CARF: variants seen among roughly 807,000 people sequenced by gnomAD.
The protein encoded by CARF is calcium responsive transcription factor, also known as calcium-responsive transcription factor.
CARF carries 57 observed loss-of-function variants against 82.0 expected under a neutral mutation model. The ratio of observed to expected loss-of-function variants is 0.70; its 90% CI spans 0.56 to 0.87. The LOEUF (loss-of-function observed/expected upper bound fraction) is 0.87. Among genes scored for constraint, CARF ranks in the 40% least tolerant of loss-of-function variants. The pLI is 0.00. For synonymous variants in CARF, 268 were observed against 290.1 expected (o/e 0.92, Z 0.77); for missense variants, 771 against 855.8 (o/e 0.90, Z 1.24).
chr2:202,952,699 AG>A lies in CARF; in HGVS notation c.427+24del, dbSNP rs752346594. ...CTCGGGGTGAGTAACAACGGGATAT[AG>A]GGGATTTGAGAGTGTTTTAAAAACA... is the stretch of plus-strand genomic sequence containing the variant. On this transcript the variant is annotated intron_variant, in intron 6 of 16. Transcript: ENST00000438828. 1 of 1,591,158 alleles carries A rather than the reference AG, an allele frequency of 6.3e-7. No individual in the cohort carries two copies. Among genetic ancestry groups the A allele is most frequent in the Non-Finnish European group, 8.6e-7 (1 of 1,167,918 alleles).
intron 3 of CARF, among the ~76,000 whole-genome samples, chr2:202,935,220 C>G (rs1349780696): frequency 7.4e-6 from 1 of 135,468 alleles, no homozygotes. Flanking sequence ...TATTCATTTA[C>G]TATACTAATA....
At chr2:202,923,014 G>A (rs747588017) in intron 2 of CARF, among the ~76,000 whole-genome samples, 2 of 152,146 alleles carry the variant, frequency 1.3e-5, no homozygotes, top group Non-Finnish European at 2.9e-5. Flanking sequence ...GGCTGAGGTG[G>A]GCGGATCACC....
intron 9 of CARF, chr2:202,962,131 T>C (rs2059347255): frequency 6.6e-6 from 1 of 152,234 alleles, no homozygotes; most frequent in South Asian, 2.1e-4. Context: ...CACTTCTGCC[T>C]GAGTTTCATC....
chr2:202,922,117 C>G (rs948228707), intron 2 of CARF, among the ~76,000 whole-genome samples: 7 of 152,044 alleles, frequency 4.6e-5, no homozygotes, highest in African/African-American at 1.7e-4. Context: ...GGATTAGCCA[C>G]CACACTGAGC....
chr2:202,976,526 G>A (rs2060036142), intron 13 of CARF, among the ~76,000 whole-genome samples: 1 of 151,974 alleles, frequency 6.6e-6, no homozygotes, highest in African/African-American at 2.4e-5. Flanking sequence ...TCATCTCTGT[G>A]AAAATTTTGC....
At chr2:202,944,672 A>C (rs1293739586) in intron 5 of CARF, among the ~76,000 whole-genome samples, 1 of 152,260 alleles carries the variant, frequency 6.6e-6, no homozygotes, top group African/African-American at 2.4e-5. Flanking sequence ...ATATTCAACA[A>C]ATAATTTAAA....
At chr2:202,982,609 G>C (rs751582467) in intron 16 of CARF, among the ~76,000 whole-genome samples, 168 bp downstream of exon 16, 42 of 152,054 alleles carry the variant, frequency 2.8e-4, no homozygotes, top group Non-Finnish European at 5.0e-4. Flanking sequence ...CTGCGTTTCA[G>C]AACTTTTAAC....
chr2:202,928,589 G>A (rs1025939464), intron 3 of CARF, among the ~76,000 whole-genome samples: 3 of 152,112 alleles, frequency 2.0e-5, no homozygotes, highest in Admixed American at 6.6e-5. Context: ...CACCAACAGT[G>A]TATGAGTTCC....
At chr2:202,930,383 A>G (rs1692665733) in intron 3 of CARF, among the ~76,000 whole-genome samples, 1 of 152,146 alleles carries the variant, frequency 6.6e-6, no homozygotes, top group Non-Finnish European at 1.5e-5. Context: ...GGTATCCCAT[A>G]ATTCTTATAG....
At chr2:202,934,663 C>T (rs1693579954) in intron 3 of CARF, 1 of 152,294 alleles carries the variant, frequency 6.6e-6, no homozygotes, top group Non-Finnish European at 1.5e-5. Context: ...ACATGTTGTC[C>T]GGGCTCGTCT....
chr2:202,965,861 C>G (rs1305552695), intron 9 of CARF, among the ~76,000 whole-genome samples: 1 of 152,006 alleles, frequency 6.6e-6, no homozygotes, highest in Non-Finnish European at 1.5e-5. Flanking sequence ...ACAAATTATC[C>G]CAAACGTAGT....
chr2:202,932,819 A>G (rs186717307), intron 3 of CARF, among the ~76,000 whole-genome samples: 2 of 152,120 alleles, frequency 1.3e-5, no homozygotes, highest in Non-Finnish European at 2.9e-5. Context: ...GAAGATGACT[A>G]CTAGATAAGT....
intron 3 of CARF, among the ~76,000 whole-genome samples, chr2:202,935,101 A>AATT (rs1553555106): frequency 7.3e-6 from 1 of 136,836 alleles, no homozygotes; most frequent in African/African-American, 2.7e-5. Flanking sequence ...TATTATATAT[A>AATT]ATATATAATT....
Position 202,985,351 on chromosome 2 carries a change from T to C in CARF, c.*1727T>C, listed in dbSNP as rs979644879. On this transcript the variant is annotated 3_prime_UTR_variant, in exon 17 of 17. Coordinates refer to ENST00000438828, the MANE Select transcript of CARF (RefSeq NM_024744.17). ...TGTATCTAAATATAAAGTACTGTTA[T>C]AGTAGAGGTAGGTGGAATTCTAATA... 2 of 152,098 alleles carry C rather than the reference T, an allele frequency of 1.3e-5. No individual in the cohort carries two copies. The highest frequency in any genetic ancestry group is 2.9e-5 in the Non-Finnish European group (2 of 67,994). 9.4% of individuals were successfully genotyped at this position (152,098 alleles called of 1,614,324 possible). A position where few individuals can be genotyped will look rare whatever the true frequency, so the allele number is the denominator to read the frequency against.
intron 12 of CARF, 30 bp from the exon 13 acceptor site, chr2:202,974,304 T>C: frequency 2.0e-6 from 3 of 1,528,980 alleles, no homozygotes; most frequent in Non-Finnish European, 1.8e-6. Context: ...AAATGGTTTA[T>C]GTCTTTATTC....
chr2:202,915,241 C>G (rs533335040), intron 1 of CARF, among the ~76,000 whole-genome samples: 77 of 151,010 alleles, frequency 5.1e-4, no homozygotes, highest in African/African-American at 1.8e-3. Context: ...GGTCTCGATC[C>G]CCTGACCTTG....
At chr2:202,943,796 T>C (rs1201949341) in intron 5 of CARF, among the ~76,000 whole-genome samples, 1 of 151,822 alleles carries the variant, frequency 6.6e-6, no homozygotes, top group African/African-American at 2.4e-5. Context: ...TACAGGCACC[T>C]GCCACCACAC....
chr2:202,961,873 T>C (rs1019239689), intron 9 of CARF: 5 of 188,250 alleles, frequency 2.7e-5, no homozygotes, highest in South Asian at 2.3e-4. Context: ...TCTAGAGTTA[T>C]AGAATTCTGA....
chr2:202,958,819 C>T (rs181845787), intron 8 of CARF, among the ~76,000 whole-genome samples: 3 of 150,340 alleles, frequency 2.0e-5, no homozygotes, highest in East Asian at 2.0e-4. Flanking sequence ...GCAGGAGAAT[C>T]GCTTGAACCC....
Sources: gnomAD v4.1 joint callset for allele counts (sites outside exome capture counted in the v4.1 genomes callset) on GRCh38, gnomAD v4.1.1 for gene constraint, MANE v1.5 for transcripts, NCBI Gene and HGNC (gene_info 2026-07-23, HGNC 2026-07-21) for gene names.